The following NAA30 variants were observed in gnomAD, a reference collection of about 807,000 sequenced individuals.
NAA30 encodes N-alpha-acetyltransferase 30.
A neutral mutation model predicts 31.4 loss-of-function variants in NAA30; 5 were observed. The observed-to-expected ratio is 0.16, with a 90% CI of 0.08 to 0.33. NAA30 has a LOEUF of 0.33. Among genes scored for constraint, NAA30 ranks in the 10% least tolerant of loss-of-function variants. NAA30 has a pLI of 1.00. For missense variants in NAA30, 428 were observed against 490.8 expected, an observed-to-expected ratio of 0.87 and a Z score of 1.21; for synonymous variants, 222 against 207.1, an observed-to-expected ratio of 1.07 and a Z score of -0.62.
At chr14:57,406,091 G>T (rs983795414) in intron 4 of NAA30, among the ~76,000 whole-genome samples, 1 of 152,044 alleles carries the variant, frequency 6.6e-6, no homozygotes, top group Non-Finnish European at 1.5e-5. Flanking sequence ...GCATTTTTCT[G>T]TTGTGTCAAA....
intron 4 of NAA30, among the ~76,000 whole-genome samples, chr14:57,405,476 A>T (rs1232423785): frequency 2.0e-5 from 3 of 151,984 alleles, no homozygotes; most frequent in Non-Finnish European, 4.4e-5. Flanking sequence ...ATGCTATGTG[A>T]TAGAGCCTGC....
At chr14:57,405,490 G>C (rs2066495073) in intron 4 of NAA30, among the ~76,000 whole-genome samples, 1 of 151,800 alleles carries the variant, frequency 6.6e-6, no homozygotes, top group African/African-American at 2.4e-5. Context: ...AGCCTGCAAG[G>C]TAAAGAACAG....
Position 57,391,757 on chromosome 14 carries a change from A to T in NAA30, c.771+29A>T, listed in dbSNP as rs2066429202. ...AGTGGATAGAATAAAAAGAGGGTGAACCCAGCAGTGATCGAGACTGTGCGG... is the reference window on the plus strand; with the variant it reads ...AGTGGATAGAATAAAAAGAGGGTGATCCCAGCAGTGATCGAGACTGTGCGG... On this transcript the variant is annotated intron_variant, in intron 2 of 4. Transcript: ENST00000556492. The surrounding 1 kb of genome is among the most constrained non-coding windows in gnomAD (Gnocchi z 4.1). 6.4e-7 allele frequency: 1 copy of T among 1,558,442 alleles called. No individual in the cohort carries two copies. Among genetic ancestry groups the T allele is most frequent in the South Asian group, 1.2e-5 (1 of 82,674 alleles).
At position 57,391,533 on chromosome 14, in the gene NAA30, C is replaced by A. The variant is rs770352759; in HGVS notation, c.576C>A (p.Thr192=). The part of the protein sequence containing the change: ...EQVRLLSSSL[T]ADCSLRSPSG... ...TGCGGCTGCTGTCTTCGTCCCTGAC[C>A]GCCGACTGCAGCTTAAGAAGCCCTT... Residue 192 remains threonine, a synonymous_variant, in exon 2 of 5, where the codon ACC becomes ACA. Coordinates refer to ENST00000556492, the MANE Select transcript of NAA30 (RefSeq NM_001011713.3). The surrounding 1 kb of genome is among the most constrained non-coding windows in gnomAD (Gnocchi z 4.1). The A allele has an allele frequency of 1.2e-6, 2 of 1,613,852 alleles. No homozygotes were observed. The highest frequency in any genetic ancestry group is 1.3e-5 in the African/African-American group (1 of 75,064).
chr14:57,399,914 AT>A, intron 4 of NAA30, 31 bp downstream of exon 4: 1 of 1,019,174 alleles, frequency 9.8e-7, no homozygotes. Flanking sequence ...AATATTTTTT[AT>A]CTGGGCATTA....
At chr14:57,396,066 C>T (rs757707661) in intron 2 of NAA30, among the ~76,000 whole-genome samples, 4 of 152,180 alleles carry the variant, frequency 2.6e-5, no homozygotes, top group Non-Finnish European at 5.9e-5. Flanking sequence ...CCTCTCCCTT[C>T]CTGGCTCAAG....
intron 2 of NAA30, among the ~76,000 whole-genome samples, chr14:57,396,244 G>T (rs2139759602): frequency 6.6e-6 from 1 of 152,134 alleles, no homozygotes; most frequent in Non-Finnish European, 1.5e-5. Context: ...CAAAGTGCTG[G>T]GTTTACAGGC....
In NAA30 at chr14:57,409,517, G is replaced by A. The variant is rs1295391454; in HGVS notation, c.*1G>A. On this transcript the variant is annotated 3_prime_UTR_variant, in exon 5 of 5. Coordinates refer to ENST00000556492, the MANE Select transcript of NAA30 (RefSeq NM_001011713.3). Reference sequence around the variant, plus strand: ...GCGACTTAAACTGTGGCTGCGTTGAGAAACTGACATCAAGGAACAACTATC... The same window carrying A: ...GCGACTTAAACTGTGGCTGCGTTGAAAAACTGACATCAAGGAACAACTATC... 1.0e-5 allele frequency: 16 copies of A among 1,595,202 alleles called. No individual in the cohort carries two copies. The highest frequency in any genetic ancestry group is 1.4e-5 in the Non-Finnish European group (16 of 1,173,906).
chr14:57,397,210 C>T (rs1408099109), intron 3 of NAA30, among the ~76,000 whole-genome samples: 2 of 152,064 alleles, frequency 1.3e-5, no homozygotes, highest in African/African-American at 2.4e-5. Context: ...TTATGATGGT[C>T]CTTCATGCCA....
At position 57,391,608 on chromosome 14, in the gene NAA30, A is replaced by G; in HGVS notation, c.651A>G (p.Arg217=). The G allele has an allele frequency of 5.6e-6, 9 of 1,614,256 alleles. No individual in the cohort carries two copies. The highest frequency in any genetic ancestry group is 7.6e-6 in the Non-Finnish European group (9 of 1,180,048). Residue 217 remains arginine (R), a synonymous_variant, in exon 2 of 5, where the codon CGA becomes CGG. Coordinates refer to ENST00000556492, the MANE Select transcript of NAA30 (RefSeq NM_001011713.3). This position sits in a 1 kb window ranked among gnomAD's most constrained non-coding sequence, Gnocchi z 4.1. Reference sequence around the variant, plus strand: ...AGGATCGGACGATACGATATGTCCGATATGAATCCGAGCTACAAATGCCCG... The same window carrying G: ...AGGATCGGACGATACGATATGTCCGGTATGAATCCGAGCTACAAATGCCCG... The part of the protein sequence containing the change: ...PGEDRTIRYV[R]YESELQMPDI...
rs186201190 is a variant in NAA30 at position 57,396,325 on chromosome 14, G to T, written c.772-427G>T. 8.8e-4 allele frequency among the ~76,000 whole-genome samples: 134 copies of T among 152,172 alleles called. 2 individuals carry two copies. The East Asian group carries it at 0.023, about 26-fold the overall frequency. ...ATTTAAATTTACATTCTGCTGATGG[G>T]CAAGTTTTACAATATTTTATGTCCT... On this transcript the variant is annotated intron_variant, in intron 2 of 4. Coordinates refer to ENST00000556492, the MANE Select transcript of NAA30 (RefSeq NM_001011713.3).
intron 4 of NAA30, among the ~76,000 whole-genome samples, chr14:57,404,644 G>T (rs1214350154): frequency 6.6e-6 from 1 of 152,146 alleles, no homozygotes; most frequent in Non-Finnish European, 1.5e-5. Context: ...ACAAAAGAAA[G>T]AGTACCACGT....
chr14:57,391,809 G>T lies in NAA30; in HGVS notation c.771+81G>T. 2 of 1,080,300 alleles carry T rather than the reference G, an allele frequency of 1.9e-6. No individual in the cohort carries two copies. The highest frequency in any genetic ancestry group is 3.0e-5 in the South Asian group (2 of 67,080). 66.9% of individuals were successfully genotyped at this position (1,080,300 alleles called of 1,614,324 possible). A position where few individuals can be genotyped will look rare whatever the true frequency, so the allele number is the denominator to read the frequency against. On this transcript the variant is annotated intron_variant, in intron 2 of 4. Transcript: ENST00000556492. This position sits in a 1 kb window ranked among gnomAD's most constrained non-coding sequence, Gnocchi z 4.1. ...GCAGGGAGTGAGGGCCCAGAATGTG[G>T]CAGTGGATATCTCCTGCTGCGTATC...
At chr14:57,405,415 A>G (rs367912054) in intron 4 of NAA30, among the ~76,000 whole-genome samples, 4 of 54,750 alleles carry the variant, frequency 7.3e-5, no homozygotes, top group African/African-American at 1.3e-4. Flanking sequence ...CTAATAATAT[A>G]TATGTGTATA....
rs1555338544 is a variant in NAA30 at position 57,415,625 on chromosome 14, G to GTATAACT, written c.*6110_*6111insATAACTT. 3.3e-5 allele frequency: 5 copies of GTATAACT among 152,152 alleles called. No individual in the cohort carries two copies. The highest frequency in any genetic ancestry group is 5.9e-5 in the Non-Finnish European group (4 of 68,028). 9.4% of individuals were successfully genotyped at this position (152,152 alleles called of 1,614,324 possible). A position where few individuals can be genotyped will look rare whatever the true frequency, so the allele number is the denominator to read the frequency against. ...CCACAGTTGCATGAAACTTTTAAAA[G>GTATAACT]TTTAAGATATAAAGTAATTGCTAAA... On this transcript the variant is annotated 3_prime_UTR_variant, in exon 5 of 5. Transcript: ENST00000556492.
intron 4 of NAA30, among the ~76,000 whole-genome samples, chr14:57,408,666 C>T (rs1194472027): frequency 1.3e-5 from 2 of 152,302 alleles, no homozygotes; most frequent in East Asian, 1.9e-4. Flanking sequence ...TTATGATACA[C>T]TGTAACATTT....
chr14:57,396,284 A>T (rs2139759623), intron 2 of NAA30, among the ~76,000 whole-genome samples: 1 of 152,352 alleles, frequency 6.6e-6, no homozygotes, highest in Non-Finnish European at 1.5e-5. Context: ...CATTATTACT[A>T]AATTTAACTG....
chr14:57,399,804 T>G (rs2066466726), intron 3 of NAA30, 24 bp from the exon 4 acceptor site: 1 of 1,234,232 alleles, frequency 8.1e-7, no homozygotes, highest in Admixed American at 2.0e-5. Flanking sequence ...TTTTCCTTCA[T>G]TAATACTCAG....
chr14:57,402,453 G>A (rs2066481079), intron 4 of NAA30, among the ~76,000 whole-genome samples: 1 of 152,186 alleles, frequency 6.6e-6, no homozygotes, highest in Non-Finnish European at 1.5e-5. Context: ...CTTCCAGCAT[G>A]ATGTTTGTAA....
Sources: gnomAD v4.1 joint callset for allele counts (sites outside exome capture counted in the v4.1 genomes callset) on GRCh38, gnomAD v4.1.1 for gene constraint, Gnocchi (gnomAD v3.1) non-coding constraint, MANE v1.5 for transcripts, NCBI Gene and HGNC (gene_info 2026-07-23, HGNC 2026-07-21) for gene names.